The following VPS41 variants were observed in gnomAD, a reference collection of about 807,000 sequenced individuals.
VPS41 encodes the protein VPS41 subunit of HOPS complex.
VPS41 carries 85 observed loss-of-function variants against 130.9 expected under a neutral mutation model. The ratio of observed to expected loss-of-function variants is 0.65; its 90% CI spans 0.55 to 0.78. The LOEUF is 0.78. Among genes scored for constraint, VPS41 ranks in the 30% least tolerant of loss-of-function variants. The pLI is 0.00. For missense variants in VPS41, 874 were observed against 1,018.7 expected (o/e 0.86, Z 1.93); for synonymous variants, 335 against 332.9 (o/e 1.01, Z -0.07).
intron 2 of VPS41, among the ~76,000 whole-genome samples, chr7:38,880,177 C>G (rs989731588): frequency 1.3e-5 from 2 of 152,072 alleles, no homozygotes; most frequent in Admixed American, 6.5e-5. Context: ...ACTAAAAATA[C>G]AGCCATGATG....
chr7:38,781,139 C>G (rs527883931), intron 10 of VPS41, among the ~76,000 whole-genome samples: 1 of 152,106 alleles, frequency 6.6e-6, no homozygotes, highest in African/African-American at 2.4e-5. Flanking sequence ...ATGGACTACA[C>G]CACGATAAAG....
intron 19 of VPS41, among the ~76,000 whole-genome samples, chr7:38,755,949 C>G (rs918166297): frequency 6.6e-6 from 1 of 152,062 alleles, no homozygotes; most frequent in African/African-American, 2.4e-5. Context: ...AAAGACTTGA[C>G]TCAGTATTTT....
chr7:38,817,775 C>T (rs1281704931), intron 7 of VPS41, 42 bp downstream of exon 7: 3 of 1,499,880 alleles, frequency 2.0e-6, no homozygotes, highest in Middle Eastern at 1.7e-4. Flanking sequence ...CACACAACAC[C>T]CCTCAAGGCT....
chr7:38,737,039 T>C (rs1259830736), intron 25 of VPS41, among the ~76,000 whole-genome samples: 2 of 152,088 alleles, frequency 1.3e-5, no homozygotes, highest in Non-Finnish European at 2.9e-5. Flanking sequence ...ATGCCTCCCT[T>C]AGATTGGTAG....
At chr7:38,752,359 G>A in intron 21 of VPS41, 46 bp from the exon 22 acceptor site, 1 of 1,609,012 alleles carries the variant, frequency 6.2e-7, no homozygotes, top group East Asian at 2.2e-5. Context: ...AATGAGAAAA[G>A]CAATACCTGG....
chr7:38,772,525 A>G lies in VPS41; in HGVS notation c.1125T>C (p.Tyr375=), dbSNP rs200451652. ...AAAGAAGTAAAATCAAGGGTACTTC[A>G]TATTTCTTCTTTTCAAGGAGCCAGT... is the stretch of plus-strand genomic sequence containing the variant. The part of the protein sequence containing the change: ...HIDWLLEKKK[Y]EEALMAAEIS... The change falls in exon 13 of 29, where the codon TAT becomes TAC. Residue 375 remains tyrosine, a synonymous_variant. Transcript: ENST00000310301. 2.5e-6 allele frequency: 4 copies of G among 1,603,456 alleles called. No individual in the cohort carries two copies. The Admixed American group carries it at 5.0e-5, about 20-fold the overall frequency.
chr7:38,905,132 T>G (rs929372719), intron 1 of VPS41, among the ~76,000 whole-genome samples: 2 of 150,502 alleles, frequency 1.3e-5, no homozygotes, highest in African/African-American at 5.0e-5. Context: ...TTTAAACACT[T>G]TACTAAACAC....
intron 2 of VPS41, among the ~76,000 whole-genome samples, chr7:38,876,096 T>TA (rs1293333287): frequency 1.3e-5 from 2 of 152,078 alleles, no homozygotes; most frequent in South Asian, 4.2e-4. Context: ...CACAGTTGGG[T>TA]GGGGGAAAGG....
At chr7:38,745,333 G>C (rs1415177342) in intron 23 of VPS41, among the ~76,000 whole-genome samples, 7 of 152,108 alleles carry the variant, frequency 4.6e-5, no homozygotes, top group Admixed American at 2.6e-4. Flanking sequence ...GATAAATTTT[G>C]ATATGTTGAT....
chr7:38,788,424 G>A (rs920093607), intron 10 of VPS41, among the ~76,000 whole-genome samples: 3 of 152,210 alleles, frequency 2.0e-5, no homozygotes, highest in African/African-American at 7.2e-5. Context: ...TGAGGATAAA[G>A]TGAGTTACTG....
At chr7:38,729,082 G>A (rs1420780900) in intron 25 of VPS41, among the ~76,000 whole-genome samples, 1 of 152,156 alleles carries the variant, frequency 6.6e-6, no homozygotes, top group East Asian at 1.9e-4. Context: ...TGGCAAAGAA[G>A]GCCCTATATT....
At chr7:38,775,853 G>A in intron 11 of VPS41, among the ~76,000 whole-genome samples, 1 of 151,522 alleles carries the variant, frequency 6.6e-6, no homozygotes, top group East Asian at 1.9e-4. Flanking sequence ...TACAAACAAG[G>A]ATAGTCCACT....
At chr7:38,763,394 C>G in intron 17 of VPS41, 61 bp downstream of exon 17, 1 of 1,196,546 alleles carries the variant, frequency 8.4e-7, no homozygotes, top group Non-Finnish European at 1.2e-6. Context: ...GTATTCCTTT[C>G]TAGATTTCCT....
intron 17 of VPS41, among the ~76,000 whole-genome samples, chr7:38,760,512 G>A (rs1383111623): frequency 6.6e-6 from 1 of 152,146 alleles, no homozygotes; most frequent in Non-Finnish European, 1.5e-5. Flanking sequence ...GAGCTAATCA[G>A]AGCATCACTG....
chr7:38,835,188 G>A (rs1191662959), intron 4 of VPS41, among the ~76,000 whole-genome samples: 1 of 151,664 alleles, frequency 6.6e-6, no homozygotes, highest in African/African-American at 2.4e-5. Flanking sequence ...TTTATCAGCT[G>A]TACTAGCCTC....
chr7:38,803,620 G>C (rs1784778097), intron 7 of VPS41, among the ~76,000 whole-genome samples: 1 of 152,286 alleles, frequency 6.6e-6, no homozygotes, highest in African/African-American at 2.4e-5. Flanking sequence ...GGATAACAAT[G>C]GGAAAGTCTT....
intron 4 of VPS41, among the ~76,000 whole-genome samples, chr7:38,842,395 T>C (rs1339185472): frequency 1.3e-5 from 2 of 152,176 alleles, no homozygotes; most frequent in African/African-American, 4.8e-5. Flanking sequence ...AAATTACACA[T>C]GTTGCTACCC....
At chr7:38,863,758 T>C (rs551140025) in intron 3 of VPS41, among the ~76,000 whole-genome samples, 1 of 152,286 alleles carries the variant, frequency 6.6e-6, no homozygotes, top group East Asian at 1.9e-4. Flanking sequence ...TAACTAGGTA[T>C]GACGATTCCG....
intron 4 of VPS41, among the ~76,000 whole-genome samples, chr7:38,842,167 T>G (rs1584422555): frequency 6.6e-6 from 1 of 152,238 alleles, no homozygotes; most frequent in Middle Eastern, 3.4e-3. Context: ...TTTTTCTCCC[T>G]CATACCCCAC....
Sources: gnomAD v4.1 joint callset for allele counts (sites outside exome capture counted in the v4.1 genomes callset) on GRCh38, gnomAD v4.1.1 for gene constraint, MANE v1.5 for transcripts, NCBI Gene and HGNC (gene_info 2026-07-23, HGNC 2026-07-21) for gene names.